CAPN3: variants seen among roughly 807,000 people sequenced by gnomAD.
CAPN3 encodes the protein calpain 3, also known as calpain-3.
In CAPN3, 88 loss-of-function variants were observed where a neutral mutation model predicts 114.0. The ratio of observed to expected loss-of-function variants is 0.77; its 90% confidence interval spans 0.65 to 0.92. CAPN3 has a LOEUF of 0.92. CAPN3 is among the 40% of genes least tolerant of loss of function. The pLI is 0.00. For missense variants in CAPN3, 1,028 were observed against 1,069.0 expected (o/e 0.96, Z 0.53); for synonymous variants, 386 against 382.9 (o/e 1.01, Z -0.09).
chr15:42,410,983 G>T lies in CAPN3; in HGVS notation c.2363G>T (p.Arg788Met), dbSNP rs769208910. The T allele has an allele frequency of 1.0e-4, 168 of 1,613,684 alleles. No homozygotes were observed. The highest frequency in any genetic ancestry group is 2.5e-4 in the Admixed American group (15 of 59,998). The change falls in exon 22 of 24, where the codon AGG (arginine) becomes ATG (methionine). Residue 788 changes from arginine (R) to methionine (M), a missense_variant. Coordinates refer to ENST00000397163, the MANE Select transcript of CAPN3 (RefSeq NM_000070.3). ...GACAGTTTCATCTGCTGCTTCGTTA[G>T]GCTGGAGGGCATGTTCAGTAAGTGG... ...DFDSFICCFV[R>M]LEGMFRAFHA...
At position 42,374,990 on chromosome 15, in the gene CAPN3, T is replaced by A. The variant is rs555220685; in HGVS notation, c.310-9493T>A. ...ATTTTTATTTGTTTAAATAAAAATTTATTTATTTATTTATTTATTTATTTA... is the reference window on the plus strand; with the variant it reads ...ATTTTTATTTGTTTAAATAAAAATTAATTTATTTATTTATTTATTTATTTA... On this transcript the variant is annotated intron_variant, in intron 1 of 23. Coordinates refer to ENST00000397163, the MANE Select transcript of CAPN3 (RefSeq NM_000070.3). Among the ~76,000 whole-genome samples the A allele has an allele frequency of 3.9e-4, 24 of 61,438 alleles. No homozygotes were observed. In the East Asian group the frequency reaches 5.0e-3, roughly 13 times the overall value. 40.3% of individuals were successfully genotyped at this position (61,438 alleles called of 152,430 possible).
At position 42,394,303 on chromosome 15, in the gene CAPN3, G is replaced by T. The variant is rs759384108; in HGVS notation, c.1077G>T (p.Pro359=). 6.4e-7 allele frequency: 1 copy of T among 1,563,156 alleles called. No individual in the cohort carries two copies. Among genetic ancestry groups the T allele is most frequent in the Non-Finnish European group, 8.7e-7 (1 of 1,153,116 alleles). The part of the protein sequence containing the change: ...EKVKLVRLRN[P]WGQVEWNGSW... ...TGAAGCTGGTGCGGCTGCGGAATCCGTGGGGCCAGGTGGAGTGGAACGGTT... is the reference window on the plus strand; with the variant it reads ...TGAAGCTGGTGCGGCTGCGGAATCCTTGGGGCCAGGTGGAGTGGAACGGTT... The change falls in exon 8 of 24, where the codon CCG becomes CCT. Residue 359 remains proline, a synonymous_variant. Transcript: ENST00000397163.
intron 1 of CAPN3, among the ~76,000 whole-genome samples, chr15:42,371,904 C>A (rs1178171596): frequency 6.6e-6 from 1 of 151,336 alleles, no homozygotes; most frequent in Non-Finnish European, 1.5e-5. Context: ...ACAGAGGTTG[C>A]AATGAGCCAA....
At chr15:42,361,010 GAAGATGGGCATTGAAC>G (rs2052628909) in intron 1 of CAPN3, among the ~76,000 whole-genome samples, 1 of 152,236 alleles carries the variant, frequency 6.6e-6, no homozygotes, top group African/African-American at 2.4e-5. Context: ...GTCCTGAAGG[GAAGATGGGCATTGAAC>G]AAGAGTGACA....
At chr15:42,408,001 G>A (rs1034133188) in intron 15 of CAPN3, among the ~76,000 whole-genome samples, 1 of 152,150 alleles carries the variant, frequency 6.6e-6, no homozygotes. Context: ...TCTACCATGA[G>A]GAGGGATGGA....
chr15:42,398,630 CACACAT>C (rs1383579537), intron 9 of CAPN3, among the ~76,000 whole-genome samples: 38 of 127,860 alleles, frequency 3.0e-4, no homozygotes, highest in Admixed American at 8.0e-4. Flanking sequence ...CACACACACA[CACACAT>C]ATATATACAC....
intron 8 of CAPN3, among the ~76,000 whole-genome samples, chr15:42,394,692 C>T (rs1595829094): frequency 6.6e-6 from 1 of 151,976 alleles, no homozygotes; most frequent in East Asian, 2.0e-4. Context: ...GAAATGGGAA[C>T]AGTATTATTA....
chr15:42,390,693 G>A (rs1025893570), intron 6 of CAPN3, among the ~76,000 whole-genome samples: 1 of 151,354 alleles, frequency 6.6e-6, no homozygotes. Context: ...ATTTTTCTAT[G>A]CACACACTGA....
chr15:42,370,791 C>T (rs1488879051), intron 1 of CAPN3, among the ~76,000 whole-genome samples: 1 of 152,138 alleles, frequency 6.6e-6, no homozygotes, highest in East Asian at 1.9e-4. Context: ...TGGCATTCAG[C>T]GTCCTAGTAG....
rs759057214 is a variant in CAPN3 at position 42,392,726 on chromosome 15, A to G, written c.1029+4A>G. On this transcript the variant is annotated splice_donor_region_variant and intron_variant, in intron 7 of 23. Transcript: ENST00000397163. Reference sequence around the variant, plus strand: ...CTCTGTCACGGGGCTGGATGAGGTAAGCCTGGTGGGGCTTGGTGGGGCAAG... The same window carrying G: ...CTCTGTCACGGGGCTGGATGAGGTAGGCCTGGTGGGGCTTGGTGGGGCAAG... The G allele has an allele frequency of 8.7e-6, 14 of 1,613,194 alleles. No individual in the cohort carries two copies. Among genetic ancestry groups the G allele is most frequent in the Admixed American group, 6.7e-5 (4 of 59,962 alleles).
intron 18 of CAPN3, 26 bp from the exon 19 acceptor site, chr15:42,409,905 C>T (rs201294407): frequency 2.4e-5 from 39 of 1,612,322 alleles, no homozygotes; most frequent in Non-Finnish European, 2.7e-5. Flanking sequence ...CTCAAAGCAG[C>T]TCCTCACTCT....
rs1359389206 is a variant in CAPN3, at chr15:42,386,250, T to C, written c.463T>C (p.Phe155Leu). The stretch of plus-strand genomic sequence containing the variant: ...CCGAGTCATACCCCATGATCAAAGT[T>C]TCATCGAAAACTACGCAGGGATCTT... ...LFRVIPHDQSFIENYAGIFHF... is the reference protein window; with the variant it reads ...LFRVIPHDQSLIENYAGIFHF... Residue 155 changes from phenylalanine (F) to leucine (L), a missense_variant, in exon 3 of 24, where the codon TTC becomes CTC. By Grantham distance (22) the Phe-to-Leu change is conservative. Coordinates refer to ENST00000397163, the MANE Select transcript of CAPN3 (RefSeq NM_000070.3). 1 of 1,613,930 alleles carries C rather than the reference T, an allele frequency of 6.2e-7. No homozygotes were observed. Among genetic ancestry groups the C allele is most frequent in the Admixed American group, 1.7e-5 (1 of 60,020 alleles).
intron 9 of CAPN3, 43 bp downstream of exon 9, chr15:42,396,920 G>T: frequency 4.3e-6 from 6 of 1,406,840 alleles, no homozygotes; most frequent in Non-Finnish European, 6.1e-6. Flanking sequence ...TAAGGGTGGG[G>T]AAGAGAGGGG....
intron 9 of CAPN3, among the ~76,000 whole-genome samples, chr15:42,399,100 TTTC>T (rs1237995895): frequency 1.3e-5 from 2 of 152,104 alleles, no homozygotes; most frequent in Non-Finnish European, 2.9e-5. Context: ...CTAGAGCTTA[TTTC>T]TTCTATCTAA....
intron 6 of CAPN3, among the ~76,000 whole-genome samples, chr15:42,390,550 T>C (rs932956115): frequency 5.9e-5 from 9 of 152,146 alleles, no homozygotes; most frequent in African/African-American, 2.2e-4. Flanking sequence ...GTTTATATTC[T>C]AGTATTTTCA....
intron 10 of CAPN3, among the ~76,000 whole-genome samples, chr15:42,400,919 C>T (rs1188665061): frequency 6.6e-6 from 1 of 151,568 alleles, no homozygotes; most frequent in African/African-American, 2.4e-5. Flanking sequence ...AGAGGCCAGA[C>T]GTGGTGGCTT....
intron 13 of CAPN3, 26 bp downstream of exon 13, chr15:42,403,028 G>C (rs750256683): frequency 3.7e-6 from 6 of 1,602,686 alleles, no homozygotes. Context: ...GCTTTCCCAC[G>C]TGTTTCTAAA....
At chr15:42,384,420 CCTAT>C (rs555307742) in intron 1 of CAPN3, 59 bp from the exon 2 acceptor site, 97 of 1,198,764 alleles carry the variant, frequency 8.1e-5, no homozygotes, top group Middle Eastern at 5.7e-4. Flanking sequence ...CAAAAAAATA[CCTAT>C]CTATCTATCT....
At chr15:42,388,876 T>G (rs2141167439) in intron 4 of CAPN3, 52 bp from the exon 5 acceptor site, 1 of 1,560,042 alleles carries the variant, frequency 6.4e-7, no homozygotes, top group Admixed American at 1.7e-5. Flanking sequence ...GTACCTGGGT[T>G]TTGTTCCCTG....
Sources: gnomAD v4.1 joint callset for allele counts (sites outside exome capture counted in the v4.1 genomes callset) on GRCh38, gnomAD v4.1.1 for gene constraint, MANE v1.5 for transcripts, NCBI Gene and HGNC (gene_info 2026-07-23, HGNC 2026-07-21) for gene names.